The following AMN1 variants were observed in gnomAD, a reference collection of about 807,000 sequenced individuals.
AMN1 encodes the protein protein AMN1 homolog.
AMN1 carries 20 observed loss-of-function variants against 33.0 expected under a neutral mutation model. The observed-to-expected ratio is 0.61, with a 90% CI of 0.43 to 0.88. The LOEUF is 0.88. Among genes scored for constraint, AMN1 ranks in the 40% least tolerant of loss-of-function variants. AMN1 has a pLI of 0.00. For missense variants in AMN1, 246 were observed against 307.4 expected (o/e 0.80, Z 1.49); for synonymous variants, 114 against 111.9 (o/e 1.02, Z -0.12).
intron 1 of AMN1, among the ~76,000 whole-genome samples, chr12:31,724,679 C>G (rs1020099626): frequency 6.6e-6 from 1 of 152,144 alleles, no homozygotes; most frequent in Non-Finnish European, 1.5e-5. Context: ...CAACATGGCT[C>G]TCTGCCCCCC....
intron 1 of AMN1, among the ~76,000 whole-genome samples, chr12:31,720,209 C>T (rs933020618): frequency 9.2e-5 from 14 of 152,174 alleles, no homozygotes; most frequent in Non-Finnish European, 1.9e-4. Flanking sequence ...AGTTCTAAAA[C>T]ATTTTCACCA....
At chr12:31,702,042 C>T (rs1196349315) in intron 2 of AMN1, 35 bp from the exon 3 acceptor site, 1 of 1,500,662 alleles carries the variant, frequency 6.7e-7, no homozygotes, top group Non-Finnish European at 9.0e-7. Context: ...AAAATTATTT[C>T]TTTCTATAAA....
intron 5 of AMN1, among the ~76,000 whole-genome samples, chr12:31,695,918 G>T (rs1017656987): frequency 1.3e-5 from 2 of 152,076 alleles, no homozygotes; most frequent in African/African-American, 4.8e-5. Context: ...ACGTGGCATT[G>T]TCATTCCATT....
At chr12:31,689,779 A>G (rs10771863) in intron 5 of AMN1, among the ~76,000 whole-genome samples, 146,195 of 152,232 alleles carry the variant, frequency 0.96, 70,492 homozygotes, top group East Asian at 1. Flanking sequence ...ATTTCCATAG[A>G]TTTTTGGGGA....
chr12:31,720,288 C>A (rs1383719794), intron 1 of AMN1, among the ~76,000 whole-genome samples: 3 of 152,212 alleles, frequency 2.0e-5, no homozygotes, highest in African/African-American at 7.2e-5. Flanking sequence ...CACCTGTAAT[C>A]CCAGTACTTT....
intron 6 of AMN1, among the ~76,000 whole-genome samples, chr12:31,675,830 T>C (rs1937671646): frequency 6.6e-6 from 1 of 151,686 alleles, no homozygotes; most frequent in Non-Finnish European, 1.5e-5. Context: ...TTGCCATTTC[T>C]ATCCAACATA....
intron 6 of AMN1, 38 bp from the exon 7 acceptor site, chr12:31,672,415 TA>T: frequency 7.1e-7 from 1 of 1,407,498 alleles, no homozygotes; most frequent in Non-Finnish European, 9.8e-7. Context: ...TAATTGACAA[TA>T]AAAAATGTTT....
intron 2 of AMN1, among the ~76,000 whole-genome samples, chr12:31,704,523 GA>G (rs1939142715): frequency 6.6e-6 from 1 of 150,376 alleles, no homozygotes; most frequent in Non-Finnish European, 1.5e-5. Context: ...TTGCCATAAG[GA>G]AGTCTGTATT....
At chr12:31,676,941 A>G (rs1448888833) in intron 6 of AMN1, among the ~76,000 whole-genome samples, 1 of 151,792 alleles carries the variant, frequency 6.6e-6, no homozygotes. Flanking sequence ...TTATTATGCT[A>G]CAGGGAAAAA....
intron 3 of AMN1, among the ~76,000 whole-genome samples, chr12:31,700,991 T>C (rs777365818): frequency 1.3e-5 from 2 of 148,308 alleles, no homozygotes; most frequent in African/African-American, 5.0e-5. Flanking sequence ...GCCTGGCCAA[T>C]TTTTTGTTGT....
At chr12:31,712,023 T>A (rs1017408153) in intron 1 of AMN1, among the ~76,000 whole-genome samples, 2 of 152,008 alleles carry the variant, frequency 1.3e-5, no homozygotes, top group Admixed American at 1.3e-4. Flanking sequence ...TTGCTGCATA[T>A]GACAGAATTC....
chr12:31,674,200 AG>A (rs1951338035), intron 6 of AMN1, among the ~76,000 whole-genome samples: 1 of 151,954 alleles, frequency 6.6e-6, no homozygotes, highest in African/African-American at 2.4e-5. Flanking sequence ...TGAGGTCAGG[AG>A]TTTGAGACCA....
intron 5 of AMN1, among the ~76,000 whole-genome samples, chr12:31,690,421 TA>T (rs568739576): frequency 1.3e-4 from 20 of 152,312 alleles, no homozygotes; most frequent in Middle Eastern, 3.4e-3. Context: ...CAACATCTAT[TA>T]TTTTTTTATT....
intron 2 of AMN1, among the ~76,000 whole-genome samples, chr12:31,704,116 C>T (rs768208621): frequency 3.3e-5 from 5 of 152,026 alleles, no homozygotes; most frequent in Non-Finnish European, 7.4e-5. Flanking sequence ...TAATAATAAG[C>T]AAATCTTTAG....
chr12:31,693,146 G>A (rs186994539), intron 5 of AMN1, among the ~76,000 whole-genome samples: 46 of 152,154 alleles, frequency 3.0e-4, no homozygotes, highest in African/African-American at 9.4e-4. Context: ...ACAGTTCACC[G>A]TAGCTTCAAC....
intron 6 of AMN1, among the ~76,000 whole-genome samples, chr12:31,682,502 G>T (rs1490530378): frequency 6.9e-6 from 1 of 145,618 alleles, no homozygotes; most frequent in Non-Finnish European, 1.5e-5. Context: ...TTAGCAGCAA[G>T]ATCGGCGGGG....
In AMN1 at chr12:31,703,097, C is replaced by A. The variant is rs1344659373; in HGVS notation, c.172-1090G>T. On this transcript the variant is annotated intron_variant, in intron 2 of 6. Coordinates refer to ENST00000281471, the MANE Select transcript of AMN1 (RefSeq NM_001113402.2). ...TTCCACTGCCCACCACCCCACTGCC[C>A]GCCCCCAAGGGATTGGTCATTGCCA... Among the ~76,000 whole-genome samples the A allele has an allele frequency of 2.6e-5, 4 of 152,232 alleles. No individual in the cohort carries two copies. The South Asian group carries it at 6.2e-4, about 24-fold the overall frequency.
intron 5 of AMN1, among the ~76,000 whole-genome samples, chr12:31,696,227 A>T (rs1488481354): frequency 2.0e-5 from 3 of 151,852 alleles, no homozygotes; most frequent in Non-Finnish European, 2.9e-5. Context: ...ACAGAGCAAG[A>T]CTCCGTCTCA....
chr12:31,703,426 G>A (rs1230565869), intron 2 of AMN1, among the ~76,000 whole-genome samples: 1 of 152,182 alleles, frequency 6.6e-6, no homozygotes, highest in Non-Finnish European at 1.5e-5. Context: ...TTGACAGGTA[G>A]TTTTTCAATC....
Sources: allele counts gnomAD v4.1 joint callset (sites outside exome capture counted in the v4.1 genomes callset), GRCh38; gene constraint gnomAD v4.1.1; transcripts MANE v1.5; gene names NCBI Gene and HGNC (gene_info 2026-07-23, HGNC 2026-07-21).